DIXDC1: variants seen among roughly 807,000 people sequenced by gnomAD.
DIXDC1 encodes the protein dixin.
DIXDC1 carries 64 observed loss-of-function variants against 103.1 expected under a neutral mutation model. The observed-to-expected ratio is 0.62, with a 90% CI of 0.51 to 0.76. The LOEUF (loss-of-function observed/expected upper bound fraction) is 0.76, where lower values mean the gene tolerates loss of function less well. Ranked by LOEUF, DIXDC1 falls within the 30% of genes least tolerant of loss-of-function variation. The probability of loss-of-function intolerance (pLI) is 0.00; values close to 1 mark genes in which losing one functional copy is unlikely to be tolerated. For synonymous variants in DIXDC1, 266 were observed against 298.5 expected, an observed-to-expected ratio of 0.89 and a Z score of 1.12; for missense variants, 759 against 834.2, an observed-to-expected ratio of 0.91 and a Z score of 1.11.
intron 1 of DIXDC1, among the ~76,000 whole-genome samples, chr11:111,956,440 A>G (rs587683588): frequency 2.6e-5 from 4 of 152,314 alleles, no homozygotes; most frequent in Non-Finnish European, 5.9e-5. Context: ...GAATGAAGGT[A>G]TCCTAATGGC....
intron 17 of DIXDC1, among the ~76,000 whole-genome samples, chr11:112,005,475 C>T (rs1208007542): frequency 6.6e-6 from 1 of 152,040 alleles, no homozygotes; most frequent in African/African-American, 2.4e-5. Context: ...ACAGGAGGAT[C>T]ACTTGTGCCC....
At chr11:111,953,632 A>T (rs587732883) in intron 1 of DIXDC1, among the ~76,000 whole-genome samples, 7 of 152,292 alleles carry the variant, frequency 4.6e-5, no homozygotes, top group African/African-American at 1.7e-4. Flanking sequence ...GCGATACTCC[A>T]TATCAATCAA....
intron 10 of DIXDC1, among the ~76,000 whole-genome samples, chr11:111,989,713 G>C (rs1860632220): frequency 6.6e-6 from 1 of 151,342 alleles, no homozygotes; most frequent in South Asian, 2.1e-4. Context: ...TCATTTTAAA[G>C]GTATAAAAAG....
intron 1 of DIXDC1, among the ~76,000 whole-genome samples, chr11:111,955,967 G>A (rs1273904637): frequency 1.4e-5 from 2 of 143,690 alleles, no homozygotes; most frequent in Non-Finnish European, 3.0e-5. Flanking sequence ...TAAAGAAAAT[G>A]TGGTGCATAT....
intron 1 of DIXDC1, among the ~76,000 whole-genome samples, chr11:111,948,057 G>A (rs1207748329): frequency 6.6e-6 from 1 of 152,164 alleles, no homozygotes; most frequent in Admixed American, 6.5e-5. Context: ...ATGCCAAATA[G>A]CCTCAGCACC....
At chr11:111,971,781 A>G (rs1254989957) in intron 3 of DIXDC1, among the ~76,000 whole-genome samples, 2 of 148,786 alleles carry the variant, frequency 1.3e-5, no homozygotes, top group East Asian at 1.9e-4. Flanking sequence ...ATAGGATACT[A>G]TGCAGCTATA....
At chr11:111,954,909 TAC>T (rs1248722719) in intron 1 of DIXDC1, among the ~76,000 whole-genome samples, 9 of 152,048 alleles carry the variant, frequency 5.9e-5, no homozygotes, top group South Asian at 2.1e-4. Flanking sequence ...AATATATATA[TAC>T]ACACACAACA....
intron 1 of DIXDC1, 143 bp downstream of exon 1, chr11:111,937,702 A>G: frequency 1.3e-6 from 1 of 791,674 alleles, no homozygotes; most frequent in Non-Finnish European, 2.0e-6. Context: ...CTAAGGTGGT[A>G]CTTACGGTGC....
At chr11:111,962,924 C>G (rs1859627309) in intron 1 of DIXDC1, among the ~76,000 whole-genome samples, 1 of 152,200 alleles carries the variant, frequency 6.6e-6, no homozygotes, top group African/African-American at 2.4e-5. Flanking sequence ...CAGATCTCAT[C>G]TGGTCCCTGG....
chr11:111,992,866 A>G, intron 11 of DIXDC1, 85 bp from the exon 12 acceptor site: 2 of 1,374,702 alleles, frequency 1.5e-6, no homozygotes, highest in Non-Finnish European at 2.0e-6. Flanking sequence ...GTAACTGCCA[A>G]CATTAACTGG....
At chr11:111,946,501 G>C (rs886868236) in intron 1 of DIXDC1, among the ~76,000 whole-genome samples, 5 of 152,194 alleles carry the variant, frequency 3.3e-5, no homozygotes, top group Non-Finnish European at 5.9e-5. Context: ...TGGGATTACA[G>C]GTGTGAGCCA....
At chr11:111,938,432 C>G (rs1223402999) in intron 1 of DIXDC1, among the ~76,000 whole-genome samples, 1 of 152,174 alleles carries the variant, frequency 6.6e-6, no homozygotes, top group African/African-American at 2.4e-5. Flanking sequence ...CTTCATTTCT[C>G]TCTCGCTCCT....
chr11:111,977,933 T>C lies in DIXDC1; in HGVS notation c.657-2804T>C. 7.9e-7 allele frequency: 1 copy of C among 1,272,438 alleles called. No individual in the cohort carries two copies. The highest frequency in any genetic ancestry group is 1.1e-6 in the Non-Finnish European group (1 of 948,764). The allele number at this position is 1,272,438 out of a possible 1,614,324, so 78.8% of individuals were successfully genotyped here. A position where few individuals can be genotyped will look rare whatever the true frequency, so the allele number is the denominator to read the frequency against. On this transcript the variant is annotated intron_variant, in intron 5 of 19. Transcript: ENST00000440460. This position sits in a 1 kb window ranked among gnomAD's most constrained non-coding sequence, Gnocchi z 6.1. The stretch of plus-strand genomic sequence containing the variant: ...AGGACCGGCTGCTGACCAGGGGTTA[T>C]CACTATAAAATACGGTGGGCGTAGG...
intron 1 of DIXDC1, among the ~76,000 whole-genome samples, chr11:111,957,468 C>A (rs1342220321): frequency 6.6e-6 from 1 of 152,170 alleles, no homozygotes; most frequent in Non-Finnish European, 1.5e-5. Context: ...CAGATACTAC[C>A]TTAACCAAGT....
At chr11:112,006,549 C>G (rs985941531) in intron 17 of DIXDC1, among the ~76,000 whole-genome samples, 49 of 152,190 alleles carry the variant, frequency 3.2e-4, no homozygotes, top group Admixed American at 4.6e-4. Context: ...TGACTTACAT[C>G]TCATACAGGC....
chr11:111,939,316 C>T (rs782026202), intron 1 of DIXDC1, among the ~76,000 whole-genome samples: 15 of 152,150 alleles, frequency 9.9e-5, no homozygotes, highest in Non-Finnish European at 1.8e-4. Context: ...CATAAATATC[C>T]CCTGACCTCC....
chr11:111,946,638 G>C (rs782101875), intron 1 of DIXDC1: 3 of 246,446 alleles, frequency 1.2e-5, no homozygotes, highest in Non-Finnish European at 2.6e-5. Flanking sequence ...TAGAATTACA[G>C]GCATGAGCCA....
intron 2 of DIXDC1, among the ~76,000 whole-genome samples, chr11:111,967,467 T>G (rs903094672): frequency 6.6e-6 from 1 of 152,228 alleles, no homozygotes; most frequent in African/African-American, 2.4e-5. Context: ...ATATCTAACT[T>G]CTCATCAGTC....
chr11:111,994,868 CT>C, intron 14 of DIXDC1, 150 bp from the exon 15 acceptor site: 4 of 741,166 alleles, frequency 5.4e-6, no homozygotes, highest in South Asian at 3.9e-5. Context: ...AAAATCTATA[CT>C]TAAGAAAGAT....
Sources: gnomAD v4.1 joint callset for allele counts (sites outside exome capture counted in the v4.1 genomes callset) on GRCh38, gnomAD v4.1.1 for gene constraint, Gnocchi (gnomAD v3.1) non-coding constraint, MANE v1.5 for transcripts, NCBI Gene and HGNC (gene_info 2026-07-23, HGNC 2026-07-21) for gene names.